FHIT: variants seen among roughly 807,000 people sequenced by gnomAD.
The protein encoded by FHIT is bis(5'-adenosyl)-triphosphatase.
A neutral mutation model predicts 17.9 loss-of-function variants in FHIT; 19 were observed. That is an observed-to-expected ratio of 1.06 (90% CI 0.74 to 1.56). The LOEUF (loss-of-function observed/expected upper bound fraction) is 1.56. Ranked by LOEUF, FHIT falls within the 40% of genes most tolerant of loss-of-function variation. The pLI, the probability that FHIT is intolerant of heterozygous loss-of-function variation, is 0.00. For missense variants in FHIT, 248 were observed against 189.2 expected (o/e 1.31, Z -1.82); for synonymous variants, 81 against 69.7 (o/e 1.16, Z -0.81).
chr3:60,825,034 A>C (rs1702065821), intron 3 of FHIT, among the ~76,000 whole-genome samples: 1 of 152,242 alleles, frequency 6.6e-6, no homozygotes, highest in African/African-American at 2.4e-5. Flanking sequence ...GTTAACATGA[A>C]AAAGACTGAC....
At chr3:60,197,023 G>A (rs999965147) in intron 5 of FHIT, among the ~76,000 whole-genome samples, 2 of 152,100 alleles carry the variant, frequency 1.3e-5, no homozygotes, top group African/African-American at 4.8e-5. Context: ...ACATATATAC[G>A]TAGACAGATA....
intron 2 of FHIT, among the ~76,000 whole-genome samples, chr3:61,131,968 T>C (rs2036777511): frequency 6.6e-6 from 1 of 152,316 alleles, no homozygotes; most frequent in Admixed American, 6.5e-5. Context: ...AGAACTTTCT[T>C]CAAGAAGGGA....
At chr3:60,387,147 C>G (rs1024178175) in intron 5 of FHIT, among the ~76,000 whole-genome samples, 1 of 151,840 alleles carries the variant, frequency 6.6e-6, no homozygotes, top group Non-Finnish European at 1.5e-5. Context: ...GCCACCACAC[C>G]TAGCTAATTT....
intron 5 of FHIT, among the ~76,000 whole-genome samples, chr3:60,477,967 T>C (rs1056957605): frequency 1.3e-5 from 2 of 152,136 alleles, no homozygotes; most frequent in African/African-American, 4.8e-5. Flanking sequence ...GTGCATACCA[T>C]AGAGAAGCGT....
At chr3:60,913,880 T>C (rs1210319725) in intron 3 of FHIT, among the ~76,000 whole-genome samples, 1 of 152,222 alleles carries the variant, frequency 6.6e-6, no homozygotes, top group Non-Finnish European at 1.5e-5. Flanking sequence ...ATCAGACTTC[T>C]TTAAGTGATG....
chr3:59,952,756 A>C (rs1030955552), intron 7 of FHIT, among the ~76,000 whole-genome samples: 4 of 152,164 alleles, frequency 2.6e-5, no homozygotes, highest in African/African-American at 9.7e-5. Flanking sequence ...CTGGTTCTGC[A>C]TTTGAACACA....
At chr3:60,217,211 C>G (rs898667071) in intron 5 of FHIT, among the ~76,000 whole-genome samples, 1 of 152,140 alleles carries the variant, frequency 6.6e-6, no homozygotes, top group African/African-American at 2.4e-5. Flanking sequence ...GACAACAAAT[C>G]CAAGCCCATA....
At chr3:60,648,585 A>AG (rs1209731268) in intron 4 of FHIT, among the ~76,000 whole-genome samples, 2 of 152,186 alleles carry the variant, frequency 1.3e-5, no homozygotes, top group African/African-American at 2.4e-5. Flanking sequence ...GTAAACAGGA[A>AG]GGGGGGCACT....
chr3:60,475,112 G>A (rs2033279482), intron 5 of FHIT, among the ~76,000 whole-genome samples: 1 of 152,084 alleles, frequency 6.6e-6, no homozygotes. Flanking sequence ...ACTCTTATTA[G>A]AATTACTACT....
rs1004456134 is a variant in FHIT, at chr3:60,949,353, T to C, written c.-111+92694A>G. ...TTCAACCTTGCTATGCCTGCAATACTTTCTGACAGATGAGCTATGAGATGT... is the reference window on the plus strand; with the variant it reads ...TTCAACCTTGCTATGCCTGCAATACCTTCTGACAGATGAGCTATGAGATGT... On this transcript the variant is annotated intron_variant, in intron 3 of 9. Coordinates refer to ENST00000492590, the MANE Select transcript of FHIT (RefSeq NM_002012.4). Among the ~76,000 whole-genome samples, 4 of 152,288 alleles carry C rather than the reference T, an allele frequency of 2.6e-5. No individual in the cohort carries two copies. The South Asian group carries it at 8.3e-4, about 32-fold the overall frequency.
rs368758611 is a variant in FHIT, at chr3:61,087,356, T to C, written c.-163-45257A>G. On this transcript the variant is annotated intron_variant, in intron 2 of 9. Coordinates refer to ENST00000492590, the MANE Select transcript of FHIT (RefSeq NM_002012.4). ...ACTTTTGTATATTATTATACAGATC[T>C]TAAGAGTATATAATCTTTCTCTGGA... Among the ~76,000 whole-genome samples, 113 of 152,280 alleles carry C rather than the reference T, an allele frequency of 7.4e-4. 2 individuals are homozygous for C. In the East Asian group the frequency reaches 0.017, roughly 23 times the overall value.
At chr3:60,031,904 A>C (rs1194207218) in intron 5 of FHIT, among the ~76,000 whole-genome samples, 5 of 152,156 alleles carry the variant, frequency 3.3e-5, no homozygotes, top group Non-Finnish European at 7.3e-5. Context: ...GCAATGAACC[A>C]CTGTAGTAAC....
chr3:60,785,226 G>C (rs1313414502), intron 4 of FHIT, among the ~76,000 whole-genome samples: 2 of 152,206 alleles, frequency 1.3e-5, no homozygotes, highest in Non-Finnish European at 2.9e-5. Context: ...CAGAGTTATA[G>C]TCCAGAGGCC....
At chr3:59,828,702 A>G (rs1701058601) in intron 8 of FHIT, among the ~76,000 whole-genome samples, 1 of 152,224 alleles carries the variant, frequency 6.6e-6, no homozygotes, top group Non-Finnish European at 1.5e-5. Flanking sequence ...GCCATGTCAT[A>G]TCTTTGGTTA....
At chr3:60,955,621 T>TATACAC (rs1559862405) in intron 3 of FHIT, among the ~76,000 whole-genome samples, 12 of 15,184 alleles carry the variant, frequency 7.9e-4, no homozygotes, top group Non-Finnish European at 2.6e-3. Flanking sequence ...TATATATATA[T>TATACAC]ATATATATAT....
At chr3:59,932,153 G>A (rs995874286) in intron 7 of FHIT, among the ~76,000 whole-genome samples, 1 of 152,094 alleles carries the variant, frequency 6.6e-6, no homozygotes, top group Non-Finnish European at 1.5e-5. Flanking sequence ...CATCCATTTT[G>A]CCAATCAATT....
rs111999007 is a variant in FHIT at position 59,752,338 on chromosome 3, A to AT, written c.349-18_349-17insA. 5.6e-6 allele frequency: 9 copies of AT among 1,598,566 alleles called. No homozygotes were observed. Among genetic ancestry groups the AT allele is most frequent in the Middle Eastern group, 1.7e-4 (1 of 6,012 alleles). On this transcript the variant is annotated splice_polypyrimidine_tract_variant and intron_variant, in intron 8 of 9. Coordinates refer to ENST00000492590, the MANE Select transcript of FHIT (RefSeq NM_002012.4). ...TTTCTGGAGCTTTGGAGAAAAAAAAAGGAAGAGGCTCTTTCATGGGCCCTT... is the reference window on the plus strand; with the variant it reads ...TTTCTGGAGCTTTGGAGAAAAAAAAATGGAAGAGGCTCTTTCATGGGCCCTT...
At chr3:60,407,074 T>A (rs1358245059) in intron 5 of FHIT, among the ~76,000 whole-genome samples, 1 of 144,936 alleles carries the variant, frequency 6.9e-6, no homozygotes, top group Non-Finnish European at 1.5e-5. Flanking sequence ...ATAATTTTTT[T>A]TTTTTTTTTT....
chr3:60,592,268 C>CTATA lies in FHIT; in HGVS notation c.-17-55293_-17-55290dup, dbSNP rs35356066. On this transcript the variant is annotated intron_variant, in intron 4 of 9. Transcript: ENST00000492590. The stretch of plus-strand genomic sequence containing the variant: ...TATATATACTATATATACTCTCTCT[C>CTATA]TATATATATATATATATAAAATCAT... Among the ~76,000 whole-genome samples, 16 of 145,668 alleles carry CTATA rather than the reference C, an allele frequency of 1.1e-4. No homozygotes were observed. In the South Asian group the frequency reaches 2.4e-3, roughly 21 times the overall value.
Sources: allele counts gnomAD v4.1 joint callset (sites outside exome capture counted in the v4.1 genomes callset), GRCh38; gene constraint gnomAD v4.1.1; transcripts MANE v1.5; gene names NCBI Gene and HGNC (gene_info 2026-07-23, HGNC 2026-07-21).